Variants in MBOAT2 observed in about 807,000 individuals in gnomAD.
MBOAT2 encodes the protein membrane bound glycerophospholipid O-acyltransferase 2.
In MBOAT2, 28 loss-of-function variants were observed where a neutral mutation model predicts 63.4. The ratio of observed to expected loss-of-function variants is 0.44; its 90% CI spans 0.33 to 0.61. The LOEUF is 0.61. Ranked by LOEUF, MBOAT2 falls within the 20% of genes least tolerant of loss-of-function variation. The pLI is 0.03. For synonymous variants in MBOAT2, 211 were observed against 215.6 expected, an observed-to-expected ratio of 0.98 and a Z score of 0.19; for missense variants, 470 against 605.8, an observed-to-expected ratio of 0.78 and a Z score of 2.35.
intron 4 of MBOAT2, among the ~76,000 whole-genome samples, chr2:8,888,320 C>A (rs1663715589): frequency 6.6e-6 from 1 of 152,166 alleles, no homozygotes; most frequent in Admixed American, 6.5e-5. Flanking sequence ...GGCTCCACCC[C>A]TAAAAGAAAT....
At chr2:8,913,795 A>G (rs1442108498) in intron 3 of MBOAT2, among the ~76,000 whole-genome samples, 1 of 152,228 alleles carries the variant, frequency 6.6e-6, no homozygotes, top group Admixed American at 6.5e-5. Context: ...TAGAACTACC[A>G]TTTGATCCAG....
intron 1 of MBOAT2, among the ~76,000 whole-genome samples, chr2:8,959,677 G>A (rs536609054): frequency 5.7e-4 from 87 of 152,088 alleles, no homozygotes; most frequent in African/African-American, 2.0e-3. Flanking sequence ...TGCTCAAGCT[G>A]GTCTTGAACT....
intron 5 of MBOAT2, among the ~76,000 whole-genome samples, chr2:8,883,581 A>G (rs1287484304): frequency 6.6e-6 from 1 of 152,224 alleles, no homozygotes; most frequent in African/African-American, 2.4e-5. Context: ...CAGACGAAAA[A>G]CAAACTCCCT....
Position 8,855,128 on chromosome 2 carries a change from G to A in MBOAT2, c.*3551C>T, listed in dbSNP as rs1660998551. 6.6e-6 allele frequency: 1 copy of A among 152,200 alleles called. No homozygotes were observed. The allele number at this position is 152,200 out of a possible 1,614,324, so 9.4% of individuals were successfully genotyped here. A position where few individuals can be genotyped will look rare whatever the true frequency, so the allele number is the denominator to read the frequency against. ...GATTCAGAGGTTTCACTGTTATCAT[G>A]ACAACCTTTTGAAATGTCAGGGCTT... On this transcript the variant is annotated 3_prime_UTR_variant, in exon 13 of 13. Coordinates refer to ENST00000305997, the MANE Select transcript of MBOAT2 (RefSeq NM_138799.4).
At chr2:8,922,630 A>G (rs1040240292) in intron 3 of MBOAT2, among the ~76,000 whole-genome samples, 3 of 152,212 alleles carry the variant, frequency 2.0e-5, no homozygotes, top group Non-Finnish European at 4.4e-5. Flanking sequence ...TGGTCAGTCA[A>G]TGATTAGTCG....
At chr2:8,885,826 T>A (rs1331046560) in intron 5 of MBOAT2, among the ~76,000 whole-genome samples, 1 of 152,202 alleles carries the variant, frequency 6.6e-6, no homozygotes, top group African/African-American at 2.4e-5. Context: ...GGATTGATAG[T>A]TGAAAAACAG....
chr2:8,977,749 T>C (rs1398822245), intron 1 of MBOAT2, among the ~76,000 whole-genome samples: 1 of 152,112 alleles, frequency 6.6e-6, no homozygotes, highest in African/African-American at 2.4e-5. Context: ...ATCTAAAATT[T>C]ACTGTGGCCA....
chr2:8,978,719 C>A (rs1671000524), intron 1 of MBOAT2, among the ~76,000 whole-genome samples: 2 of 151,944 alleles, frequency 1.3e-5, no homozygotes, highest in South Asian at 4.1e-4. Flanking sequence ...TGCATCGGAG[C>A]CTAAAACCTA....
chr2:8,891,224 AAGAC>A (rs1168385521), intron 4 of MBOAT2, among the ~76,000 whole-genome samples: 2 of 152,256 alleles, frequency 1.3e-5, no homozygotes, highest in Admixed American at 6.5e-5. Flanking sequence ...GAGAAACAGA[AAGAC>A]AGAAGACAAA....
At chr2:8,925,591 C>T (rs188291883) in intron 3 of MBOAT2, among the ~76,000 whole-genome samples, 2 of 152,230 alleles carry the variant, frequency 1.3e-5, no homozygotes, top group East Asian at 3.9e-4. Context: ...CAGGAGAAAA[C>T]GGTTAGCATG....
chr2:8,860,302 G>GT (rs1661405436), intron 12 of MBOAT2, among the ~76,000 whole-genome samples: 4 of 151,732 alleles, frequency 2.6e-5, no homozygotes, highest in Non-Finnish European at 4.4e-5. Flanking sequence ...AGGTTAGCTG[G>GT]TTTTTTCCCC....
At chr2:8,955,945 T>G (rs1669184137) in intron 2 of MBOAT2, among the ~76,000 whole-genome samples, 1 of 152,216 alleles carries the variant, frequency 6.6e-6, no homozygotes, top group Non-Finnish European at 1.5e-5. Flanking sequence ...TAGTATTTTT[T>G]TACCAATAAA....
At chr2:8,912,416 A>AAAGAAAGAAAGAAAGG (rs199665950) in intron 3 of MBOAT2, among the ~76,000 whole-genome samples, 1 of 135,144 alleles carries the variant, frequency 7.4e-6, no homozygotes, top group African/African-American at 3.0e-5. Flanking sequence ...AGAAAGAAAG[A>AAAGAAAGAAAGAAAGG]CAGGCCGGCC....
intron 4 of MBOAT2, among the ~76,000 whole-genome samples, chr2:8,892,923 T>TGCAGAGCGAGGAC (rs1664111970): frequency 6.6e-6 from 1 of 152,130 alleles, no homozygotes; most frequent in Non-Finnish European, 1.5e-5. Context: ...CAGCAGGCTC[T>TGCAGAGCGAGGAC]GCAGAGCGAG....
chr2:8,884,029 C>G (rs2148542985), intron 5 of MBOAT2, among the ~76,000 whole-genome samples: 1 of 149,966 alleles, frequency 6.7e-6, no homozygotes, highest in Non-Finnish European at 1.5e-5. Flanking sequence ...TTGAGACCAG[C>G]CTGGCCAACA....
At chr2:8,866,752 T>C (rs1203001949) in intron 9 of MBOAT2, among the ~76,000 whole-genome samples, 3 of 152,250 alleles carry the variant, frequency 2.0e-5, no homozygotes, top group African/African-American at 7.2e-5. Context: ...GCTTGGGTCA[T>C]ATGTCCCATA....
intron 4 of MBOAT2, among the ~76,000 whole-genome samples, chr2:8,890,855 C>T (rs142429056): frequency 6.6e-6 from 1 of 152,294 alleles, no homozygotes; most frequent in East Asian, 1.9e-4. Flanking sequence ...TAAACTGAAT[C>T]TAAGTGTCCA....
chr2:8,985,829 T>C (rs564456368), intron 1 of MBOAT2, among the ~76,000 whole-genome samples: 3 of 152,258 alleles, frequency 2.0e-5, no homozygotes, highest in South Asian at 4.1e-4. Context: ...CACACAGTAA[T>C]GAGAGCTTCT....
intron 7 of MBOAT2, 58 bp from the exon 8 acceptor site, chr2:8,873,358 T>G: frequency 6.6e-7 from 1 of 1,510,496 alleles, no homozygotes; most frequent in Non-Finnish European, 9.0e-7. Flanking sequence ...TAATTCATTC[T>G]ATGTATTATC....
Sources: gnomAD v4.1 joint callset for allele counts (sites outside exome capture counted in the v4.1 genomes callset) on GRCh38, gnomAD v4.1.1 for gene constraint, MANE v1.5 for transcripts, NCBI Gene and HGNC (gene_info 2026-07-23, HGNC 2026-07-21) for gene names.